Variants in MAGI1 observed in about 807,000 individuals in gnomAD.
MAGI1 encodes the protein membrane-associated guanylate kinase, WW and PDZ domain-containing protein 1.
In MAGI1, 58 loss-of-function variants were observed where a neutral mutation model predicts 139.9. The observed-to-expected ratio is 0.41, with a 90% CI of 0.34 to 0.52. The LOEUF (loss-of-function observed/expected upper bound fraction) is 0.52. Among genes scored for constraint, MAGI1 ranks in the 20% least tolerant of loss-of-function variants. MAGI1 has a pLI of 0.12. For synonymous variants in MAGI1, 812 were observed against 737.9 expected, an observed-to-expected ratio of 1.10 and a Z score of -1.63; for missense variants, 1,874 against 1,901.6, an observed-to-expected ratio of 0.99 and a Z score of 0.27.
At chr3:65,914,519 G>C (rs1011665500) in intron 1 of MAGI1, among the ~76,000 whole-genome samples, 3 of 152,130 alleles carry the variant, frequency 2.0e-5, no homozygotes, top group African/African-American at 7.2e-5. Context: ...AAGCCTCAAG[G>C]CATTCACGCT....
intron 1 of MAGI1, among the ~76,000 whole-genome samples, chr3:65,838,907 A>C (rs941690332): frequency 5.3e-5 from 8 of 152,314 alleles, no homozygotes; most frequent in African/African-American, 1.9e-4. Context: ...ACTATCTTTT[A>C]TTTCAGCTGT....
intron 1 of MAGI1, among the ~76,000 whole-genome samples, chr3:65,804,642 C>G (rs534206846): frequency 6.6e-6 from 1 of 151,972 alleles, no homozygotes; most frequent in Admixed American, 6.6e-5. Flanking sequence ...GTAAACGGAC[C>G]GTAGCCTACA....
intron 17 of MAGI1, among the ~76,000 whole-genome samples, chr3:65,376,967 G>A (rs1006194180): frequency 6.6e-6 from 1 of 152,318 alleles, no homozygotes; most frequent in Middle Eastern, 3.4e-3. Context: ...AGTTAATCAT[G>A]TATTGAGTTT....
intron 1 of MAGI1, among the ~76,000 whole-genome samples, chr3:66,005,176 G>A (rs1218000540): frequency 6.6e-5 from 10 of 152,162 alleles, no homozygotes; most frequent in Non-Finnish European, 1.5e-5. Context: ...AAAGCTGTGG[G>A]TTAGGTTTAA....
chr3:65,620,845 A>G lies in MAGI1; in HGVS notation c.430+1127T>C, dbSNP rs75267986. Among the ~76,000 whole-genome samples the G allele has an allele frequency of 5.2e-3, 793 of 152,320 alleles. 4 individuals carry two copies. Among genetic ancestry groups the G allele is most frequent in the African/African-American group, 0.016 (671 of 41,576 alleles). On this transcript the variant is annotated intron_variant, in intron 2 of 22. Coordinates refer to ENST00000402939, the MANE Select transcript of MAGI1 (RefSeq NM_001033057.2). ...TCTGTTTTATTAATGAGTAAAATGG[A>G]AAGCCAGGGGCTATTCTAGAATCTG... is the stretch of plus-strand genomic sequence containing the variant.
intron 1 of MAGI1, chr3:65,720,097 TTTTTCAG>T (rs1453904822): frequency 6.6e-6 from 1 of 152,186 alleles, no homozygotes; most frequent in African/African-American, 2.4e-5. Context: ...GGCAAGGATT[TTTTTCAG>T]TTTCATTTCC....
intron 2 of MAGI1, chr3:65,619,735 C>A (rs912052495): frequency 2.3e-6 from 1 of 431,848 alleles, no homozygotes; most frequent in African/African-American, 2.2e-5. Context: ...GAAAGAATCC[C>A]AAGTAAGCCC....
chr3:65,496,209 T>C (rs1489483079), intron 2 of MAGI1, among the ~76,000 whole-genome samples: 1 of 21,578 alleles, frequency 4.6e-5, no homozygotes, highest in Non-Finnish European at 1.0e-4. Flanking sequence ...ACCCAGCTAA[T>C]TTTTTTTTTT....
At chr3:65,998,462 T>C (rs982731403) in intron 1 of MAGI1, among the ~76,000 whole-genome samples, 2 of 152,218 alleles carry the variant, frequency 1.3e-5, no homozygotes, top group African/African-American at 4.8e-5. Context: ...ACTCAACTTG[T>C]TAGCACTTGC....
intron 1 of MAGI1, among the ~76,000 whole-genome samples, chr3:65,680,728 C>T (rs1489566553): frequency 6.6e-6 from 1 of 151,170 alleles, no homozygotes; most frequent in Non-Finnish European, 1.5e-5. Flanking sequence ...GCCTGAGCCA[C>T]CACACCCAGC....
intron 1 of MAGI1, among the ~76,000 whole-genome samples, chr3:65,949,748 A>G (rs927596176): frequency 6.6e-6 from 1 of 152,190 alleles, no homozygotes; most frequent in Non-Finnish European, 1.5e-5. Flanking sequence ...CTAGGGAAAA[A>G]AGTTTCTTTT....
intron 1 of MAGI1, among the ~76,000 whole-genome samples, chr3:65,650,510 T>C (rs1379922590): frequency 1.3e-5 from 2 of 152,214 alleles, no homozygotes; most frequent in African/African-American, 2.4e-5. Context: ...CAGGGAATTA[T>C]ACTGAATGAG....
chr3:65,988,377 C>A (rs1328768731), intron 1 of MAGI1, among the ~76,000 whole-genome samples: 1 of 152,140 alleles, frequency 6.6e-6, no homozygotes, highest in African/African-American at 2.4e-5. Context: ...GCAGACAATA[C>A]CCCTAAGTAC....
intron 2 of MAGI1, among the ~76,000 whole-genome samples, chr3:65,493,855 G>C (rs2204401): frequency 0.3 from 45,904 of 152,028 alleles, 8,623 homozygotes; most frequent in East Asian, 0.73. Context: ...ATGGGAGAGA[G>C]AGAAAACCAA....
intron 1 of MAGI1, among the ~76,000 whole-genome samples, chr3:66,002,104 A>C (rs909586481): frequency 5.9e-5 from 9 of 152,176 alleles, no homozygotes; most frequent in Non-Finnish European, 1.3e-4. Flanking sequence ...CCAAGCACAA[A>C]AATCTCTTGG....
intron 1 of MAGI1, among the ~76,000 whole-genome samples, chr3:65,813,616 G>A (rs770274904): frequency 6.6e-6 from 1 of 152,166 alleles, no homozygotes; most frequent in African/African-American, 2.4e-5. Context: ...AGGAATTTTA[G>A]CAATGCACAT....
At position 65,853,401 on chromosome 3, in the gene MAGI1, T is replaced by C. The variant is rs73832979; in HGVS notation, c.313+184595A>G. 3.7e-4 allele frequency among the ~76,000 whole-genome samples: 57 copies of C among 152,304 alleles called. 1 individual carries two copies. The highest frequency in any genetic ancestry group is 1.3e-3 in the African/African-American group (52 of 41,536). ...AGGTAAATTCCTAGTAGGGCAAAGA[T>C]AAGATCTTAATTCATTCACCTATGC... On this transcript the variant is annotated intron_variant, in intron 1 of 22. Coordinates refer to ENST00000402939, the MANE Select transcript of MAGI1 (RefSeq NM_001033057.2).
intron 12 of MAGI1, among the ~76,000 whole-genome samples, chr3:65,409,111 C>T (rs185834905): frequency 2.0e-5 from 3 of 152,320 alleles, no homozygotes; most frequent in East Asian, 3.9e-4. Context: ...AGGAACCAGT[C>T]ATGAGACCAT....
At chr3:65,828,370 C>A (rs2042344043) in intron 1 of MAGI1, among the ~76,000 whole-genome samples, 1 of 152,182 alleles carries the variant, frequency 6.6e-6, no homozygotes. Flanking sequence ...TCTCACCCCC[C>A]AAACTCAAAC....
Sources: gnomAD v4.1 joint callset for allele counts (sites outside exome capture counted in the v4.1 genomes callset) on GRCh38, gnomAD v4.1.1 for gene constraint, MANE v1.5 for transcripts, NCBI Gene and HGNC (gene_info 2026-07-23, HGNC 2026-07-21) for gene names.